The following C1QTNF3 variants were observed in gnomAD, a reference collection of about 807,000 sequenced individuals.
C1QTNF3 encodes the protein C1q and TNF related 3, also known as complement C1q tumor necrosis factor-related protein 3.
In C1QTNF3, 26 loss-of-function variants were observed where a neutral mutation model predicts 32.6. That is an observed-to-expected ratio of 0.80 (90% CI 0.58 to 1.11). The LOEUF (loss-of-function observed/expected upper bound fraction) is 1.11, where lower values mean the gene tolerates loss of function less well. Ranked by LOEUF, C1QTNF3 falls within the 50% of genes least tolerant of loss-of-function variation. C1QTNF3 has a pLI of 0.00. For synonymous variants in C1QTNF3, 155 were observed against 146.0 expected (o/e 1.06, Z -0.44); for missense variants, 362 against 398.2 (o/e 0.91, Z 0.77).
chr5:34,062,702 T>A, the C1QTNF3 span, among the ~76,000 whole-genome samples: 1 of 152,226 alleles, frequency 6.6e-6, no homozygotes, highest in Admixed American at 6.5e-5. Context: ...AGGGAGTTCC[T>A]CCCAGATCAG....
chr5:34,219,081 T>A, the C1QTNF3 span, among the ~76,000 whole-genome samples: 43 of 152,206 alleles, frequency 2.8e-4, no homozygotes, highest in Admixed American at 2.8e-3. Context: ...GATCACAAAG[T>A]ATATGGTCTC....
At chr5:34,125,076 C>T in the C1QTNF3 span, among the ~76,000 whole-genome samples, 2 of 152,146 alleles carry the variant, frequency 1.3e-5, no homozygotes, top group East Asian at 1.9e-4. Context: ...CAAAACTTCT[C>T]TACCTTTGAG....
the C1QTNF3 span, among the ~76,000 whole-genome samples, chr5:34,198,036 C>T: frequency 4.3e-5 from 6 of 140,862 alleles, no homozygotes; most frequent in Non-Finnish European, 7.5e-5. Context: ...GAGTTCCAGA[C>T]CAGCCTGGCC....
the C1QTNF3 span, among the ~76,000 whole-genome samples, chr5:34,231,841 G>A: frequency 6.8e-6 from 1 of 146,342 alleles, no homozygotes; most frequent in Middle Eastern, 3.4e-3. Context: ...CCCCCACACA[G>A]ATTCCCCACT....
At chr5:34,146,557 G>C in the C1QTNF3 span, among the ~76,000 whole-genome samples, 7 of 152,288 alleles carry the variant, frequency 4.6e-5, no homozygotes, top group East Asian at 1.3e-3. Flanking sequence ...ACAATAATAA[G>C]CAATTGGGAT....
chr5:34,219,715 T>C, the C1QTNF3 span, among the ~76,000 whole-genome samples: 2 of 152,124 alleles, frequency 1.3e-5, no homozygotes. Flanking sequence ...AATATTTTGA[T>C]AAAAGAAGGG....
chr5:34,104,801 T>C, the C1QTNF3 span, among the ~76,000 whole-genome samples: 1 of 149,380 alleles, frequency 6.7e-6, no homozygotes, highest in African/African-American at 2.5e-5. Flanking sequence ...CCTCCCAAAG[T>C]GCTGGGATTA....
the C1QTNF3 span, among the ~76,000 whole-genome samples, chr5:34,230,865 G>A: frequency 2.6e-5 from 4 of 151,958 alleles, no homozygotes; most frequent in African/African-American, 4.8e-5. Flanking sequence ...TATTAACATT[G>A]AACATATTCT....
At chr5:34,026,623 T>G (rs1041592423) in intron 4 of C1QTNF3, among the ~76,000 whole-genome samples, 5 of 152,070 alleles carry the variant, frequency 3.3e-5, no homozygotes, top group Non-Finnish European at 5.9e-5. Flanking sequence ...AGGGCCATAC[T>G]TAAAAGAATC....
At chr5:34,183,161 T>TAGAG in the C1QTNF3 span, among the ~76,000 whole-genome samples, 12 of 152,290 alleles carry the variant, frequency 7.9e-5, no homozygotes, top group Admixed American at 5.2e-4. Flanking sequence ...GTATTGTTAG[T>TAGAG]AGAGACCGGG....
At chr5:34,174,713 C>T in the C1QTNF3 span, among the ~76,000 whole-genome samples, 7 of 152,168 alleles carry the variant, frequency 4.6e-5, no homozygotes, top group Admixed American at 2.0e-4. Context: ...CTCATCCACC[C>T]TACGTGAGAG....
At chr5:34,213,809 A>ATATATATATATATATATATATAT in the C1QTNF3 span, among the ~76,000 whole-genome samples, 4 of 4,936 alleles carry the variant, frequency 8.1e-4, no homozygotes, top group African/African-American at 1.2e-3. Context: ...ATATATATAT[A>ATATATATATATATATATATATAT]TTTTTTTTTT....
At chr5:34,227,314 C>T in the C1QTNF3 span, among the ~76,000 whole-genome samples, 1 of 151,424 alleles carries the variant, frequency 6.6e-6, no homozygotes, top group South Asian at 2.1e-4. Context: ...TTATGATTTA[C>T]TTTTGTATAT....
the C1QTNF3 span, among the ~76,000 whole-genome samples, chr5:34,169,827 A>G: frequency 6.6e-6 from 1 of 152,184 alleles, no homozygotes; most frequent in East Asian, 1.9e-4. Flanking sequence ...TACACTGTAC[A>G]TTGAGAATGT....
chr5:34,026,231 C>T (rs1754454990), intron 4 of C1QTNF3, among the ~76,000 whole-genome samples: 2 of 152,096 alleles, frequency 1.3e-5, no homozygotes, highest in Admixed American at 6.6e-5. Flanking sequence ...GGAGATAACA[C>T]GAGGTTGGGC....
the C1QTNF3 span, among the ~76,000 whole-genome samples, chr5:34,141,080 A>G: frequency 5.9e-5 from 9 of 152,172 alleles, no homozygotes; most frequent in East Asian, 1.7e-3. Context: ...TTAGTTCTAG[A>G]GGATAGAAGT....
chr5:34,063,523 G>A, the C1QTNF3 span, among the ~76,000 whole-genome samples: 1 of 152,026 alleles, frequency 6.6e-6, no homozygotes, highest in Non-Finnish European at 1.5e-5. Flanking sequence ...ACTGGTGGGG[G>A]GGCTGGGGGG....
chr5:34,115,688 G>A, the C1QTNF3 span, among the ~76,000 whole-genome samples: 19 of 150,060 alleles, frequency 1.3e-4, no homozygotes, highest in Admixed American at 6.7e-4. Context: ...CTGAGATGGC[G>A]CCACTGTACT....
At chr5:34,203,643 G>A in the C1QTNF3 span, among the ~76,000 whole-genome samples, 3 of 151,158 alleles carry the variant, frequency 2.0e-5, no homozygotes, top group African/African-American at 2.4e-5. Flanking sequence ...CCAAGATTGC[G>A]CCACTGCACT....
Sources: gnomAD v4.1 joint callset for allele counts (sites outside exome capture counted in the v4.1 genomes callset) on GRCh38, gnomAD v4.1.1 for gene constraint, MANE v1.5 for transcripts, NCBI Gene and HGNC (gene_info 2026-07-23, HGNC 2026-07-21) for gene names.